KLHL29: variants seen among roughly 807,000 people sequenced by gnomAD.
The protein encoded by KLHL29 is kelch-like protein 29.
In KLHL29, 21 loss-of-function variants were observed where a neutral mutation model predicts 80.4. The ratio of observed to expected loss-of-function variants is 0.26; its 90% CI spans 0.19 to 0.38. KLHL29 has a LOEUF of 0.38. Ranked by LOEUF, KLHL29 falls within the 10% of genes least tolerant of loss-of-function variation. The pLI is 1.00. For missense variants in KLHL29, 867 were observed against 1,223.9 expected, an observed-to-expected ratio of 0.71 and a Z score of 4.35; for synonymous variants, 511 against 526.8, an observed-to-expected ratio of 0.97 and a Z score of 0.41.
chr2:23,433,656 G>A (rs1243771596), intron 1 of KLHL29, among the ~76,000 whole-genome samples: 1 of 152,194 alleles, frequency 6.6e-6, no homozygotes. Context: ...GCTTACACTT[G>A]TAATCCCAGC....
intron 2 of KLHL29, among the ~76,000 whole-genome samples, chr2:23,501,374 TA>T (rs1380428147): frequency 2.6e-5 from 4 of 152,024 alleles, no homozygotes; most frequent in Non-Finnish European, 5.9e-5. Context: ...GGAAAGAGGC[TA>T]TACAGGTGCA....
chr2:23,594,977 G>T (rs915863741), intron 3 of KLHL29, among the ~76,000 whole-genome samples: 2 of 152,058 alleles, frequency 1.3e-5, no homozygotes, highest in African/African-American at 4.8e-5. Context: ...TTCCGTTTCC[G>T]CTCACATAAA....
chr2:23,655,435 C>T (rs1670218586), intron 5 of KLHL29, among the ~76,000 whole-genome samples: 1 of 152,174 alleles, frequency 6.6e-6, no homozygotes, highest in South Asian at 2.1e-4. Flanking sequence ...TTTAGTGTTT[C>T]TGTCACCGAG....
intron 3 of KLHL29, among the ~76,000 whole-genome samples, chr2:23,565,427 G>T (rs1279258596): frequency 6.6e-6 from 1 of 152,150 alleles, no homozygotes; most frequent in Non-Finnish European, 1.5e-5. Flanking sequence ...AGACACAGCA[G>T]CCAGGCCCCA....
At chr2:23,497,489 T>G (rs1665305017) in intron 2 of KLHL29, among the ~76,000 whole-genome samples, 2 of 152,116 alleles carry the variant, frequency 1.3e-5, no homozygotes, top group Admixed American at 6.5e-5. Flanking sequence ...CAATAATCAT[T>G]TGGTCAAGAT....
At chr2:23,605,649 C>T (rs1668694021) in intron 3 of KLHL29, among the ~76,000 whole-genome samples, 1 of 152,176 alleles carries the variant, frequency 6.6e-6, no homozygotes, top group Non-Finnish European at 1.5e-5. Context: ...AGACACATAT[C>T]CTAGCCTCTA....
At chr2:23,622,933 G>T (rs1669220860) in intron 3 of KLHL29, among the ~76,000 whole-genome samples, 1 of 152,186 alleles carries the variant, frequency 6.6e-6, no homozygotes, top group Non-Finnish European at 1.5e-5. Flanking sequence ...CTTGAAAGTG[G>T]CAGAACTTGG....
At chr2:23,591,113 C>G (rs1051139055) in intron 3 of KLHL29, among the ~76,000 whole-genome samples, 2 of 152,176 alleles carry the variant, frequency 1.3e-5, no homozygotes, top group Non-Finnish European at 2.9e-5. Flanking sequence ...AAACAGCACA[C>G]TCAGGGGACT....
chr2:23,458,526 C>G (rs1451419169), intron 1 of KLHL29, among the ~76,000 whole-genome samples: 3 of 152,202 alleles, frequency 2.0e-5, no homozygotes, highest in African/African-American at 7.2e-5. Context: ...AGCTTATGCT[C>G]TAGGCAAGGA....
At chr2:23,387,966 C>A (rs1045572871) in intron 1 of KLHL29, among the ~76,000 whole-genome samples, 1 of 152,140 alleles carries the variant, frequency 6.6e-6, no homozygotes, top group Non-Finnish European at 1.5e-5. Flanking sequence ...TTCTTCTCCT[C>A]GGTCTCTCGG....
intron 2 of KLHL29, among the ~76,000 whole-genome samples, chr2:23,551,347 G>GA (rs956291578): frequency 1.0e-4 from 15 of 150,570 alleles, no homozygotes; most frequent in Non-Finnish European, 1.3e-4. Flanking sequence ...GTGCTTTTTT[G>GA]AAAAAAAAAT....
intron 4 of KLHL29, 56 bp from the exon 5 acceptor site, chr2:23,642,282 T>C: frequency 7.2e-7 from 1 of 1,385,900 alleles, no homozygotes; most frequent in Admixed American, 3.1e-5. Flanking sequence ...GGATGGTCAG[T>C]GTTTGTTGAA....
intron 2 of KLHL29, among the ~76,000 whole-genome samples, chr2:23,490,111 T>G (rs1665053502): frequency 6.6e-6 from 1 of 152,254 alleles, no homozygotes; most frequent in African/African-American, 2.4e-5. Context: ...TGCAGGCGCA[T>G]ACATTCTCTG....
intron 1 of KLHL29, among the ~76,000 whole-genome samples, chr2:23,435,816 T>C (rs1164562788): frequency 6.6e-6 from 1 of 152,162 alleles, no homozygotes; most frequent in African/African-American, 2.4e-5. Context: ...GTGAGGTGTT[T>C]GGAACCCTTT....
intron 2 of KLHL29, among the ~76,000 whole-genome samples, chr2:23,561,217 C>T (rs1416658285): frequency 2.6e-5 from 4 of 152,180 alleles, no homozygotes; most frequent in Admixed American, 6.5e-5. Context: ...GCTTCCCCTG[C>T]GTCTTTACAG....
Position 23,682,389 on chromosome 2 carries a change from C to T in KLHL29, c.941-2010C>T, listed in dbSNP as rs1403833106. ...TGATAGGAGGCCCAGTGCAGGTTCACCCTCAGGTCTGGCTTCGAGGCTCAA... is the reference window on the plus strand; with the variant it reads ...TGATAGGAGGCCCAGTGCAGGTTCATCCTCAGGTCTGGCTTCGAGGCTCAA... On this transcript the variant is annotated intron_variant, in intron 5 of 13. Coordinates refer to ENST00000486442, the MANE Select transcript of KLHL29 (RefSeq NM_052920.2). This position sits in a 1 kb window ranked among gnomAD's most constrained non-coding sequence, Gnocchi z 4.1. Among the ~76,000 whole-genome samples the T allele has an allele frequency of 1.3e-5, 2 of 152,156 alleles. No homozygotes were observed. Among genetic ancestry groups the T allele is most frequent in the Admixed American group, 1.3e-4 (2 of 15,282 alleles).
rs561700659 is a variant in KLHL29, at chr2:23,529,754, C to CG, written c.-45-32395dup. Among the ~76,000 whole-genome samples, 5 of 152,354 alleles carry CG rather than the reference C, an allele frequency of 3.3e-5. No individual in the cohort carries two copies. The East Asian group carries it at 9.6e-4, about 29-fold the overall frequency. ...CCTAGCTTAGACCAGCCTCCACCTG[C>CG]GGGCTGGCTCTGGGGTTCATGGAGG... On this transcript the variant is annotated intron_variant, in intron 2 of 13. Transcript: ENST00000486442.
rs116155099 is a variant in KLHL29, at chr2:23,601,381, A to G, written c.286-37758A>G. On this transcript the variant is annotated intron_variant, in intron 3 of 13. Transcript: ENST00000486442. ...AAGCTGGGCTTGTGAATTTATATGA[A>G]TAATTTGTTAATGGCAGTTACAGGA... 7.6e-3 allele frequency among the ~76,000 whole-genome samples: 1,164 copies of G among 152,312 alleles called. 18 individuals carry two copies. Among genetic ancestry groups the G allele is most frequent in the African/African-American group, 0.027 (1,118 of 41,556 alleles).
intron 1 of KLHL29, among the ~76,000 whole-genome samples, chr2:23,469,356 G>A (rs1420632933): frequency 1.3e-5 from 2 of 152,222 alleles, no homozygotes; most frequent in African/African-American, 2.4e-5. Context: ...CTGGCAGCTG[G>A]CCTGCCCGTC....
Sources: allele counts gnomAD v4.1 joint callset (sites outside exome capture counted in the v4.1 genomes callset), GRCh38; gene constraint gnomAD v4.1.1; non-coding constraint Gnocchi (gnomAD v3.1); transcripts MANE v1.5; gene names NCBI Gene and HGNC (gene_info 2026-07-23, HGNC 2026-07-21).